HMOX1: variants seen among roughly 807,000 people sequenced by gnomAD.
The protein encoded by HMOX1 is heme oxygenase 1.
A neutral mutation model predicts 27.8 loss-of-function variants in HMOX1; 22 were observed. The ratio of observed to expected loss-of-function variants is 0.79; its 90% CI spans 0.57 to 1.13. HMOX1 has a LOEUF of 1.13. Among genes scored for constraint, HMOX1 ranks in the 50% most tolerant of loss-of-function variants. HMOX1 has a pLI of 0.00. For synonymous variants in HMOX1, 153 were observed against 151.6 expected (o/e 1.01, Z -0.07); for missense variants, 379 against 377.7 (o/e 1.00, Z -0.03).
At chr22:35,389,996 G>A (rs768435028) in intron 4 of HMOX1, 33 bp downstream of exon 4, 1 of 1,401,072 alleles carries the variant, frequency 7.1e-7, no homozygotes, top group South Asian at 1.2e-5. Context: ...ACTTCCTCTG[G>A]GCTACACATG....
At chr22:35,390,762 C>T (rs1931696906) in intron 4 of HMOX1, among the ~76,000 whole-genome samples, 1 of 152,174 alleles carries the variant, frequency 6.6e-6, no homozygotes, top group African/African-American at 2.4e-5. Flanking sequence ...GGCCTTTGGT[C>T]CCCTGATGTG....
chr22:35,391,757 ATT>A (rs36054326), intron 4 of HMOX1, among the ~76,000 whole-genome samples: 58 of 140,004 alleles, frequency 4.1e-4, no homozygotes, highest in South Asian at 4.5e-4. Context: ...CCACACCCAG[ATT>A]TTTTTTTTTT....
intron 2 of HMOX1, among the ~76,000 whole-genome samples, chr22:35,386,039 T>C (rs1051290802): frequency 6.6e-5 from 10 of 150,660 alleles, no homozygotes; most frequent in African/African-American, 2.4e-4. Context: ...CACTGCAAGC[T>C]CCACCTCCCG....
At chr22:35,389,214 TC>T (rs1931590809) in intron 3 of HMOX1, among the ~76,000 whole-genome samples, 1 of 119,416 alleles carries the variant, frequency 8.4e-6, no homozygotes, top group Non-Finnish European at 1.7e-5. Context: ...TCTTTCTTTC[TC>T]TCTTTCTTTC....
rs184557604 is a variant in HMOX1, at chr22:35,388,415, G to A, written c.636+1239G>A. Among the ~76,000 whole-genome samples the A allele has an allele frequency of 1.3e-4, 19 of 151,558 alleles. No individual in the cohort carries two copies. In the East Asian group the frequency reaches 3.8e-3, roughly 30 times the overall value. On this transcript the variant is annotated intron_variant, in intron 3 of 4. Coordinates refer to ENST00000216117, the MANE Select transcript of HMOX1 (RefSeq NM_002133.3). ...TGCAGTAAGCCATGATTATGCTACT[G>A]CACTCCAGCCTGGGCAACGGCAACA...
At position 35,389,968 on chromosome 22, in the gene HMOX1, G is replaced by C; in HGVS notation, c.736+5G>C. The C allele has an allele frequency of 2.5e-6, 4 of 1,601,808 alleles. No individual in the cohort carries two copies. The highest frequency in any genetic ancestry group is 3.4e-6 in the Non-Finnish European group (4 of 1,172,660). On this transcript the variant is annotated splice_donor_5th_base_variant and intron_variant, in intron 4 of 4. Coordinates refer to ENST00000216117, the MANE Select transcript of HMOX1 (RefSeq NM_002133.3). ...GGGCCAGCAACAAAGTGCAAGGTGAGAGCATCCAGGAAGGGGCACTTCCTC... is the reference window on the plus strand; with the variant it reads ...GGGCCAGCAACAAAGTGCAAGGTGACAGCATCCAGGAAGGGGCACTTCCTC...
chr22:35,389,998 C>G (rs1211724593), intron 4 of HMOX1, 35 bp downstream of exon 4: 12 of 1,408,198 alleles, frequency 8.5e-6, no homozygotes, highest in Non-Finnish European at 1.2e-5. Context: ...TTCCTCTGGG[C>G]TACACATGGA....
chr22:35,393,712 G>A lies in HMOX1; in HGVS notation c.*114G>A, dbSNP rs1931787628. Reference sequence around the variant, plus strand: ...ACCGTGGGCACTGAAGGCTTTCAGGGCCTCCAGCCCTCTCACTGTGTCCCT... The same window carrying A: ...ACCGTGGGCACTGAAGGCTTTCAGGACCTCCAGCCCTCTCACTGTGTCCCT... On this transcript the variant is annotated 3_prime_UTR_variant, in exon 5 of 5. Transcript: ENST00000216117. 2 of 1,265,672 alleles carry A rather than the reference G, an allele frequency of 1.6e-6. No homozygotes were observed. 78.4% of individuals were successfully genotyped at this position (1,265,672 alleles called of 1,614,324 possible).
At chr22:35,393,399 T>G (rs1931772498) in intron 4 of HMOX1, 69 bp from the exon 5 acceptor site, 1 of 1,607,056 alleles carries the variant, frequency 6.2e-7, no homozygotes, top group African/African-American at 1.3e-5. Flanking sequence ...TCTGCTTTGC[T>G]TTCCTATGAC....
chr22:35,390,088 G>T lies in HMOX1; in HGVS notation c.736+125G>T, dbSNP rs1601744190. 9.3e-6 allele frequency: 7 copies of T among 750,112 alleles called. No individual in the cohort carries two copies. In the Admixed American group the frequency reaches 1.4e-4, roughly 15 times the overall value. The allele number at this position is 750,112 out of a possible 1,614,324, so 46.5% of individuals were successfully genotyped here. ...GTGGTGGTGGGTGTTGTTTCCTGCT[G>T]CCCCACCCCACTGCCCCTGTAAGGA... On this transcript the variant is annotated intron_variant, in intron 4 of 4. Transcript: ENST00000216117.
rs760594009 is a variant in HMOX1 at position 35,387,024 on chromosome 22, G to C, written c.484G>C (p.Glu162Gln). The change falls in exon 3 of 5, where the codon GAG becomes CAG. Residue 162 changes from glutamate (E) to glutamine (Q), a missense_variant. By Grantham distance (29) the Glu-to-Gln change is conservative. Transcript: ENST00000216117. ...AGCCCTGGACCTGCCCAGCTCTGGC[G>C]AGGGCCTGGCCTTCTTCACCTTCCC... ...QKALDLPSSG[E>Q]GLAFFTFPNI... 1.2e-6 allele frequency: 2 copies of C among 1,613,656 alleles called. No individual in the cohort carries two copies. Among genetic ancestry groups the C allele is most frequent in the Non-Finnish European group, 1.7e-6 (2 of 1,180,040 alleles).
chr22:35,381,201 G>C lies in HMOX1; in HGVS notation c.23+5G>C. ...GGAGCGTCCGCAACCCGACAGGCAA[G>C]CGCGGGGCGCGGGACGCGGGACGGG... On this transcript the variant is annotated splice_donor_5th_base_variant and intron_variant, in intron 1 of 4. Coordinates refer to ENST00000216117, the MANE Select transcript of HMOX1 (RefSeq NM_002133.3). The C allele has an allele frequency of 1.9e-6, 3 of 1,546,710 alleles. No individual in the cohort carries two copies. The highest frequency in any genetic ancestry group is 2.6e-6 in the Non-Finnish European group (3 of 1,152,234).
chr22:35,381,256 CTA>C lies in HMOX1; in HGVS notation c.23+61_23+62del, dbSNP rs1931383088. ...TTTCTCTCCCAACCCTGCTTGCGTC[CTA>C]GCCCCACCCCGGGACACTGCCACAC... On this transcript the variant is annotated intron_variant, in intron 1 of 4. Transcript: ENST00000216117. 2.6e-6 allele frequency: 4 copies of C among 1,528,086 alleles called. No individual in the cohort carries two copies. The South Asian group carries it at 4.8e-5, about 18-fold the overall frequency. The allele number at this position is 1,528,086 out of a possible 1,614,324, so 94.7% of individuals were successfully genotyped here. A position where few individuals can be genotyped will look rare whatever the true frequency, so the allele number is the denominator to read the frequency against.
At chr22:35,388,558 C>T (rs1011841388) in intron 3 of HMOX1, among the ~76,000 whole-genome samples, 4 of 151,756 alleles carry the variant, frequency 2.6e-5, no homozygotes, top group African/African-American at 4.8e-5. Flanking sequence ...GAGGCCGAGG[C>T]GGGTGGATCA....
rs1446793737 is a variant in HMOX1, at chr22:35,389,397, T to TTCCTTCC, written c.637-466_637-465insCCTTCCT. Among the ~76,000 whole-genome samples, 2 of 64,950 alleles carry TTCCTTCC rather than the reference T, an allele frequency of 3.1e-5. 1 individual carries two copies. Among genetic ancestry groups the TTCCTTCC allele is most frequent in the African/African-American group, 2.5e-4 (2 of 8,048 alleles). 42.6% of individuals were successfully genotyped at this position (64,950 alleles called of 152,430 possible). On this transcript the variant is annotated intron_variant, in intron 3 of 4. Transcript: ENST00000216117. ...CTTCCTTCCTTCCTTCCTTCCTTCC[T>TTCCTTCC]TTCTTTCTTTCTTTCTTTCTTTCTT...
In HMOX1 at chr22:35,386,771, C is replaced by T. The variant is rs1408560142; in HGVS notation, c.231C>T (p.Val77=). The T allele has an allele frequency of 1.2e-6, 2 of 1,614,114 alleles. No homozygotes were observed. Among genetic ancestry groups the T allele is most frequent in the Non-Finnish European group, 1.7e-6 (2 of 1,180,040 alleles). ...AGGAGAGCCCAGTCTTCGCCCCTGTCTACTTCCCAGAAGAGCTGCACCGCA... is the reference window on the plus strand; with the variant it reads ...AGGAGAGCCCAGTCTTCGCCCCTGTTTACTTCCCAGAAGAGCTGCACCGCA... The part of the protein sequence containing the change: ...RNKESPVFAP[V]YFPEELHRKA... The change falls in exon 3 of 5, where the codon GTC becomes GTT. Residue 77 remains valine, a synonymous_variant. Coordinates refer to ENST00000216117, the MANE Select transcript of HMOX1 (RefSeq NM_002133.3).
intron 1 of HMOX1, 51 bp downstream of exon 1, chr22:35,381,247 G>C (rs1480490951): frequency 1.9e-6 from 3 of 1,539,262 alleles, no homozygotes; most frequent in Admixed American, 1.9e-5. Context: ...TCCCAACCCT[G>C]CTTGCGTCCT....
intron 3 of HMOX1, 38 bp downstream of exon 3, chr22:35,387,214 C>A (rs890454164): frequency 1.9e-6 from 3 of 1,612,182 alleles, no homozygotes; most frequent in Admixed American, 1.7e-5. Context: ...TCTGCCTCCC[C>A]CCGTTGTTCC....
intron 4 of HMOX1, among the ~76,000 whole-genome samples, chr22:35,391,380 C>T (rs1267547612): frequency 1.3e-5 from 2 of 151,874 alleles, no homozygotes; most frequent in African/African-American, 2.4e-5. Flanking sequence ...CTCCGCCTCC[C>T]AGGTTCACGC....
Sources: gnomAD v4.1 joint callset for allele counts (sites outside exome capture counted in the v4.1 genomes callset) on GRCh38, gnomAD v4.1.1 for gene constraint, MANE v1.5 for transcripts, NCBI Gene and HGNC (gene_info 2026-07-23, HGNC 2026-07-21) for gene names.